The following XKR4 variants were observed in gnomAD, a reference collection of about 807,000 sequenced individuals.
The protein encoded by XKR4 is XK-related protein 4.
XKR4 carries 12 observed loss-of-function variants against 53.9 expected under a neutral mutation model. The ratio of observed to expected loss-of-function variants is 0.22; its 90% CI spans 0.14 to 0.36. The LOEUF (loss-of-function observed/expected upper bound fraction) is 0.36. Ranked by LOEUF, XKR4 falls within the 10% of genes least tolerant of loss-of-function variation. The pLI, the probability that XKR4 is intolerant of heterozygous loss-of-function variation, is 1.00. For missense variants in XKR4, 799 were observed against 859.5 expected (o/e 0.93, Z 0.88); for synonymous variants, 354 against 362.4 (o/e 0.98, Z 0.26).
intron 1 of XKR4, among the ~76,000 whole-genome samples, chr8:55,294,539 A>G (rs1746686683): frequency 6.6e-6 from 1 of 152,200 alleles, no homozygotes; most frequent in African/African-American, 2.4e-5. Flanking sequence ...TCCAACTGGA[A>G]CGTTAATAGA....
At chr8:55,423,677 G>C (rs1012913948) in intron 2 of XKR4, among the ~76,000 whole-genome samples, 4 of 152,154 alleles carry the variant, frequency 2.6e-5, no homozygotes, top group Non-Finnish European at 5.9e-5. Context: ...TTCTTCATTA[G>C]ACTATAAACT....
intron 1 of XKR4, among the ~76,000 whole-genome samples, chr8:55,107,240 G>A (rs1816163221): frequency 6.6e-6 from 1 of 152,042 alleles, no homozygotes; most frequent in African/African-American, 2.4e-5. Flanking sequence ...GTCTCAGAGA[G>A]GTTAAGTAAG....
At chr8:55,464,167 C>A (rs1401357692) in intron 2 of XKR4, among the ~76,000 whole-genome samples, 1 of 151,936 alleles carries the variant, frequency 6.6e-6, no homozygotes, top group Non-Finnish European at 1.5e-5. Context: ...GGCAGAGACA[C>A]AACAAAAAAA....
intron 1 of XKR4, among the ~76,000 whole-genome samples, chr8:55,182,959 A>T (rs1417995473): frequency 3.9e-5 from 6 of 151,956 alleles, no homozygotes; most frequent in Non-Finnish European, 7.4e-5. Flanking sequence ...ATTTGTCTTA[A>T]AACGTTTGTA....
At chr8:55,378,296 T>C (rs1478031286) in intron 2 of XKR4, among the ~76,000 whole-genome samples, 1 of 152,224 alleles carries the variant, frequency 6.6e-6, no homozygotes, top group African/African-American at 2.4e-5. Flanking sequence ...GTCAGCAGTG[T>C]CATCTCAGAG....
intron 1 of XKR4, among the ~76,000 whole-genome samples, chr8:55,119,148 C>T (rs114391194): frequency 1.3e-5 from 2 of 152,158 alleles, no homozygotes; most frequent in Non-Finnish European, 2.9e-5. Flanking sequence ...AAAATGTGCT[C>T]TCTGACTTCA....
intron 2 of XKR4, among the ~76,000 whole-genome samples, chr8:55,492,230 G>A (rs1222673824): frequency 2.0e-5 from 3 of 152,040 alleles, no homozygotes; most frequent in Non-Finnish European, 4.4e-5. Flanking sequence ...CAGTTGTCTA[G>A]TTGTTTATGG....
intron 1 of XKR4, among the ~76,000 whole-genome samples, chr8:55,227,445 A>G (rs898860129): frequency 9.2e-5 from 14 of 152,326 alleles, no homozygotes; most frequent in Middle Eastern, 3.4e-3. Context: ...AAGAGTTGCC[A>G]TTACTTTCTC....
intron 1 of XKR4, among the ~76,000 whole-genome samples, chr8:55,222,490 T>C (rs1257756169): frequency 6.6e-6 from 1 of 152,366 alleles, no homozygotes; most frequent in East Asian, 1.9e-4. Flanking sequence ...GAAGCTTTTG[T>C]CCACCTCACA....
chr8:55,516,218 T>C (rs1806711591), intron 2 of XKR4, among the ~76,000 whole-genome samples: 1 of 152,220 alleles, frequency 6.6e-6, no homozygotes, highest in Non-Finnish European at 1.5e-5. Context: ...TCATATGCAC[T>C]AAAGAAACTA....
At chr8:55,211,391 G>A (rs1014029609) in intron 1 of XKR4, among the ~76,000 whole-genome samples, 2 of 152,190 alleles carry the variant, frequency 1.3e-5, no homozygotes, top group African/African-American at 4.8e-5. Flanking sequence ...TTGTCAAAAT[G>A]ACCATTGCAC....
At chr8:55,419,862 C>T (rs1455929181) in intron 2 of XKR4, among the ~76,000 whole-genome samples, 2 of 152,190 alleles carry the variant, frequency 1.3e-5, no homozygotes, top group Non-Finnish European at 1.5e-5. Context: ...AACTATTACT[C>T]TCTATTTTTC....
At chr8:55,377,380 G>T (rs1459378822) in intron 2 of XKR4, among the ~76,000 whole-genome samples, 2 of 152,200 alleles carry the variant, frequency 1.3e-5, no homozygotes, top group African/African-American at 4.8e-5. Context: ...AGGTACCCAA[G>T]AAGTATCTTT....
chr8:55,383,528 G>C (rs1804265145), intron 2 of XKR4, among the ~76,000 whole-genome samples: 2 of 152,180 alleles, frequency 1.3e-5, no homozygotes, highest in Non-Finnish European at 1.5e-5. Context: ...GAATTTGGGT[G>C]TTTGGCTTTT....
intron 1 of XKR4, among the ~76,000 whole-genome samples, chr8:55,240,546 A>C (rs1416886535): frequency 9.1e-6 from 1 of 109,848 alleles, no homozygotes; most frequent in African/African-American, 2.8e-5. Context: ...GGGAGATTAA[A>C]ACTTTAGTTT....
At chr8:55,265,203 C>A (rs1483787268) in intron 1 of XKR4, among the ~76,000 whole-genome samples, 1 of 152,150 alleles carries the variant, frequency 6.6e-6, no homozygotes, top group Non-Finnish European at 1.5e-5. Flanking sequence ...GAAGATGCAC[C>A]ATCATCAGGA....
chr8:55,153,837 C>T lies in XKR4; in HGVS notation c.806+50543C>T, dbSNP rs74921133. Among the ~76,000 whole-genome samples the T allele has an allele frequency of 1.3e-3, 203 of 152,210 alleles. 1 individual carries two copies. The highest frequency in any genetic ancestry group is 4.8e-3 in the African/African-American group (201 of 41,520). On this transcript the variant is annotated intron_variant, in intron 1 of 2. Transcript: ENST00000327381. ...GCTTTCTTGATACTATGCGAATCCA[C>T]TTGGAAAAAAGAAAGCAAGACTTGT...
At chr8:55,482,716 A>G (rs1341406131) in intron 2 of XKR4, among the ~76,000 whole-genome samples, 1 of 152,196 alleles carries the variant, frequency 6.6e-6, no homozygotes, top group Non-Finnish European at 1.5e-5. Context: ...GGAGTCCAAT[A>G]TACACTCAAA....
chr8:55,320,835 C>T (rs968108153), intron 1 of XKR4, among the ~76,000 whole-genome samples: 4 of 152,012 alleles, frequency 2.6e-5, no homozygotes, highest in Non-Finnish European at 5.9e-5. Flanking sequence ...TCAGAAACTA[C>T]GACAGAAGGC....
Sources: gnomAD v4.1 joint callset for allele counts (sites outside exome capture counted in the v4.1 genomes callset) on GRCh38, gnomAD v4.1.1 for gene constraint, MANE v1.5 for transcripts, NCBI Gene and HGNC (gene_info 2026-07-23, HGNC 2026-07-21) for gene names.